The following OSBPL5 variants were observed in gnomAD, a reference collection of about 807,000 sequenced individuals.
OSBPL5 encodes the protein oxysterol binding protein like 5, also known as oxysterol-binding protein-related protein 5.
Under a neutral mutation model 111.2 loss-of-function variants are expected in OSBPL5, and 71 were observed. The ratio of observed to expected loss-of-function variants is 0.64; its 90% CI spans 0.53 to 0.78. OSBPL5 has a LOEUF of 0.78. Among genes scored for constraint, OSBPL5 ranks in the 30% least tolerant of loss-of-function variants. The pLI is 0.00. For synonymous variants in OSBPL5, 549 were observed against 513.9 expected (o/e 1.07, Z -0.93); for missense variants, 1,210 against 1,189.3 (o/e 1.02, Z -0.26).
At chr11:3,132,664 C>A (rs529717518) in intron 1 of OSBPL5, among the ~76,000 whole-genome samples, 1 of 152,170 alleles carries the variant, frequency 6.6e-6, no homozygotes, top group Non-Finnish European at 1.5e-5. Flanking sequence ...CCACATGGCC[C>A]GGTCCTCCTC....
In OSBPL5 at chr11:3,093,541, C is replaced by T; in HGVS notation, c.1932G>A (p.Glu644=). ...QHTVPLEEQT[E]LESERLWQHV... Reference sequence around the variant, plus strand: ...ACAGGCCTCACCTCTCGGACTCCAGCTCCGTCTGCTCCTCCAGCGGCACCG... The same window carrying T: ...ACAGGCCTCACCTCTCGGACTCCAGTTCCGTCTGCTCCTCCAGCGGCACCG... Residue 644 remains glutamate (E), a synonymous_variant, in exon 17 of 22, where the codon GAG becomes GAA. Transcript: ENST00000263650. 6.2e-7 allele frequency: 1 copy of T among 1,609,922 alleles called. No individual in the cohort carries two copies. The highest frequency in any genetic ancestry group is 8.5e-7 in the Non-Finnish European group (1 of 1,179,874).
chr11:3,152,367 T>A (rs1350244632), intron 1 of OSBPL5, among the ~76,000 whole-genome samples: 1 of 152,222 alleles, frequency 6.6e-6, no homozygotes, highest in Non-Finnish European at 1.5e-5. Flanking sequence ...TTATTAAAGA[T>A]CTAGGTCTTA....
rs1171873363 is a variant in OSBPL5, at chr11:3,113,951, C to A, written c.691+5596G>T. 6.6e-6 allele frequency among the ~76,000 whole-genome samples: 1 copy of A among 152,024 alleles called. No individual in the cohort carries two copies. The highest frequency in any genetic ancestry group is 2.4e-5 in the African/African-American group (1 of 41,382). ...AGTTATAATTTTGCAATGGTGTTTC[C>A]ATAATTTAAATAATGACAATTGCAG... is the stretch of plus-strand genomic sequence containing the variant. On this transcript the variant is annotated intron_variant, in intron 7 of 21. Transcript: ENST00000263650. The surrounding 1 kb of genome is among the most constrained non-coding windows in gnomAD (Gnocchi z 4.8).
At chr11:3,150,517 T>C (rs1025343229) in intron 1 of OSBPL5, among the ~76,000 whole-genome samples, 1 of 151,984 alleles carries the variant, frequency 6.6e-6, no homozygotes, top group Non-Finnish European at 1.5e-5. Context: ...GCAGACACCA[T>C]CTCAGGGGCA....
intron 19 of OSBPL5, among the ~76,000 whole-genome samples, chr11:3,091,850 C>T (rs1453207121): frequency 2.0e-5 from 3 of 152,154 alleles, no homozygotes; most frequent in African/African-American, 7.2e-5. Context: ...CTGTCCGCTG[C>T]GGGTGAGCAC....
intron 17 of OSBPL5, 147 bp downstream of exon 17, chr11:3,093,380 T>C: frequency 7.9e-7 from 1 of 1,272,732 alleles, no homozygotes; most frequent in Non-Finnish European, 1.1e-6. Flanking sequence ...CCAGGACACG[T>C]GATCTGCCAC....
intron 21 of OSBPL5, 133 bp from the exon 22 acceptor site, chr11:3,088,476 C>T (rs1422868741): frequency 3.8e-6 from 4 of 1,051,806 alleles, no homozygotes; most frequent in African/African-American, 1.7e-5. Flanking sequence ...GATGGCCCTC[C>T]AGGGGCAACA....
rs1333893347 is a variant in OSBPL5, at chr11:3,110,655, A to G, written c.692-2710T>C. 1.3e-5 allele frequency among the ~76,000 whole-genome samples: 2 copies of G among 152,234 alleles called. No individual in the cohort carries two copies. The highest frequency in any genetic ancestry group is 4.8e-5 in the African/African-American group (2 of 41,526). ...TTAGGGCCAACCTGCCTCCCATTCT[A>G]TTCCAAGTCACCCCTCTGCTCACTG... On this transcript the variant is annotated intron_variant, in intron 7 of 21. Transcript: ENST00000263650. The surrounding 1 kb of genome is among the most constrained non-coding windows in gnomAD (Gnocchi z 5.3).
At chr11:3,160,672 T>TCCCCCCCCCC (rs71035491) in intron 1 of OSBPL5, among the ~76,000 whole-genome samples, 42 of 122,418 alleles carry the variant, frequency 3.4e-4, no homozygotes, top group Non-Finnish European at 4.4e-4. Flanking sequence ...ATGACAACCC[T>TCCCCCCCCCC]CCCCCCCCCC....
chr11:3,105,705 C>G lies in OSBPL5; in HGVS notation c.1060-1328G>C, dbSNP rs536493455. Among the ~76,000 whole-genome samples, 2 of 152,288 alleles carry G rather than the reference C, an allele frequency of 1.3e-5. No homozygotes were observed. The highest frequency in any genetic ancestry group is 4.8e-5 in the African/African-American group (2 of 41,574). On this transcript the variant is annotated intron_variant, in intron 9 of 21. Transcript: ENST00000263650. The surrounding 1 kb of genome is among the most constrained non-coding windows in gnomAD (Gnocchi z 5.2). ...TGGATCCTCCCACCTCCCTGCCCCACCTCTGTGAAGCCTTATCTGTGCTCG... is the reference window on the plus strand; with the variant it reads ...TGGATCCTCCCACCTCCCTGCCCCAGCTCTGTGAAGCCTTATCTGTGCTCG...
chr11:3,123,141 G>A (rs1010249668), intron 3 of OSBPL5, among the ~76,000 whole-genome samples: 1 of 152,196 alleles, frequency 6.6e-6, no homozygotes, highest in African/African-American at 2.4e-5. Flanking sequence ...GACTGCACGG[G>A]CCCAGGGCGG....
intron 1 of OSBPL5, among the ~76,000 whole-genome samples, chr11:3,160,422 G>A (rs950722003): frequency 1.3e-5 from 2 of 152,122 alleles, no homozygotes; most frequent in Non-Finnish European, 2.9e-5. Flanking sequence ...CCCTTTAAGC[G>A]ACCCACACTC....
intron 7 of OSBPL5, among the ~76,000 whole-genome samples, chr11:3,112,060 T>TGC (rs1857992847): frequency 3.8e-5 from 3 of 79,408 alleles, no homozygotes; most frequent in Admixed American, 2.4e-4. Context: ...TGTGTGCATG[T>TGC]GTATGTGTGT....
chr11:3,094,999 A>T (rs1857206328), intron 14 of OSBPL5: 1 of 152,210 alleles, frequency 6.6e-6, no homozygotes, highest in Non-Finnish European at 1.5e-5. Flanking sequence ...TGCACTCTAA[A>T]AACCACTTAG....
Position 3,129,077 on chromosome 11 carries a change from G to A in OSBPL5, c.72C>T (p.Asp24=). ...CPPSSTPQKV[D]PRKLTRNLLL... is the part of the protein sequence containing the mutation. ...GCAAGTTCCGGGTGAGCTTCCGGGG[G>A]TCGACTTTCTGAGGGGTGGAGGAAG... The change falls in exon 2 of 22, where the codon GAC becomes GAT. Residue 24 remains aspartate (D), a synonymous_variant. Transcript: ENST00000263650. 1.3e-6 allele frequency: 2 copies of A among 1,574,374 alleles called. No homozygotes were observed. The highest frequency in any genetic ancestry group is 1.7e-6 in the Non-Finnish European group (2 of 1,161,176).
rs1039652566 is a variant in OSBPL5, at chr11:3,110,639, A to G, written c.692-2694T>C. Among the ~76,000 whole-genome samples the G allele has an allele frequency of 5.3e-5, 8 of 152,158 alleles. No homozygotes were observed. Among genetic ancestry groups the G allele is most frequent in the Non-Finnish European group, 8.8e-5 (6 of 68,042 alleles). On this transcript the variant is annotated intron_variant, in intron 7 of 21. Coordinates refer to ENST00000263650, the MANE Select transcript of OSBPL5 (RefSeq NM_020896.4). This position sits in a 1 kb window ranked among gnomAD's most constrained non-coding sequence, Gnocchi z 5.3. ...CCAAGCTGGGAACTGCTTAGGGCCAACCTGCCTCCCATTCTATTCCAAGTC... is the reference window on the plus strand; with the variant it reads ...CCAAGCTGGGAACTGCTTAGGGCCAGCCTGCCTCCCATTCTATTCCAAGTC...
At chr11:3,097,095 G>A (rs1590638747) in intron 14 of OSBPL5, among the ~76,000 whole-genome samples, 4 of 141,856 alleles carry the variant, frequency 2.8e-5, no homozygotes, top group African/African-American at 8.0e-5. Flanking sequence ...AGAGGAAAGA[G>A]GGGGAAGATG....
chr11:3,122,143 G>A, intron 4 of OSBPL5, 45 bp from the exon 5 acceptor site: 5 of 1,514,404 alleles, frequency 3.3e-6, no homozygotes, highest in Non-Finnish European at 4.4e-6. Context: ...AAGGCACCGA[G>A]CTGCCCCAGC....
At chr11:3,094,086 C>A in intron 15 of OSBPL5, 151 bp downstream of exon 15, 1 of 807,500 alleles carries the variant, frequency 1.2e-6, no homozygotes. Context: ...CTTCTCTGGG[C>A]CCTGTCTGTG....
Sources: allele counts gnomAD v4.1 joint callset (sites outside exome capture counted in the v4.1 genomes callset), GRCh38; gene constraint gnomAD v4.1.1; non-coding constraint Gnocchi (gnomAD v3.1); transcripts MANE v1.5; gene names NCBI Gene and HGNC (gene_info 2026-07-23, HGNC 2026-07-21).